The following GATA6 variants were observed in gnomAD, a reference collection of about 807,000 sequenced individuals.
The protein encoded by GATA6 is GATA binding protein 6.
In GATA6, 11 loss-of-function variants were observed where a neutral mutation model predicts 48.1. The observed-to-expected ratio is 0.23, with a 90% CI of 0.14 to 0.38. The LOEUF is 0.38. GATA6 is among the 10% of genes least tolerant of loss of function. The pLI, the probability that GATA6 is intolerant of heterozygous loss-of-function variation, is 1.00. For missense variants in GATA6, 795 were observed against 850.3 expected (o/e 0.93, Z 0.81); for synonymous variants, 419 against 396.1 (o/e 1.06, Z -0.69).
chr18:22,190,747 T>G (rs760679413), intron 6 of GATA6, among the ~76,000 whole-genome samples: 1 of 151,994 alleles, frequency 6.6e-6, no homozygotes, highest in Non-Finnish European at 1.5e-5. Context: ...TCCCAGGGAG[T>G]TGACCAATCA....
rs971615402 is a variant in GATA6, at chr18:22,200,790, A to C, written c.1755A>C (p.Arg585=). 65 of 1,612,796 alleles carry C rather than the reference A, an allele frequency of 4.0e-5. 1 individual carries two copies. In the Admixed American group the frequency reaches 5.3e-4, roughly 13 times the overall value. ...ASPAEVTSSV[R]PDSWCALALA is the part of the protein sequence containing the mutation. ...CGGCCGAAGTCACGTCCTCCGTGCG[A>C]CCGGATTCCTGGTGCGCCCTGGCCC... Residue 585 remains arginine, a synonymous_variant, in exon 7 of 7, where the codon CGA becomes CGC. Transcript: ENST00000269216.
At position 22,185,030 on chromosome 18, in the gene GATA6, G is replaced by A. The variant is rs1325307878; in HGVS notation, c.1620+1987G>A. On this transcript the variant is annotated intron_variant, in intron 6 of 6. Transcript: ENST00000269216. The surrounding 1 kb of genome is among the most constrained non-coding windows in gnomAD (Gnocchi z 4.3). Reference sequence around the variant, plus strand: ...CGATATATACCCAACAATGGGCTTCGGGGACTTGGAACCATTGTGGGTGGA... The same window carrying A: ...CGATATATACCCAACAATGGGCTTCAGGGACTTGGAACCATTGTGGGTGGA... Among the ~76,000 whole-genome samples the A allele has an allele frequency of 2.6e-5, 4 of 152,130 alleles. No individual in the cohort carries two copies. Among genetic ancestry groups the A allele is most frequent in the East Asian group, 3.9e-4 (2 of 5,190 alleles).
rs904519303 is a variant in GATA6 at position 22,171,983 on chromosome 18, G to C, written c.839G>C (p.Gly280Ala). Residue 280 changes from glycine (G) to alanine (A), a missense_variant, in exon 2 of 7, where the codon GGA becomes GCA. Physicochemically the swap from Gly to Ala is moderately conservative, Grantham distance 60. This residue lies in a region of GATA6 where 591 missense variants were observed against 570.0 expected (regional missense o/e 1.04). Transcript: ENST00000269216. The surrounding 1 kb of genome is among the most constrained non-coding windows in gnomAD (Gnocchi z 7.1). ...GCCAACGGCGCCGCGCGGGAGCCGG[G>C]AGGCTACGCGGCGGCGGGCAGTGGG... ...PMANGAAREP[G>A]GYAAAGSGGA... 704 of 1,221,380 alleles carry C rather than the reference G, an allele frequency of 5.8e-4. No homozygotes were observed. Among genetic ancestry groups the C allele is most frequent in the Non-Finnish European group, 7.0e-4 (689 of 982,448 alleles). The allele number at this position is 1,221,380 out of a possible 1,614,324, so 75.7% of individuals were successfully genotyped here. A position where few individuals can be genotyped will look rare whatever the true frequency, so the allele number is the denominator to read the frequency against.
rs997283860 is a variant in GATA6, at chr18:22,170,826, G to T, written c.-37-282G>T. 1.1e-5 allele frequency: 5 copies of T among 470,538 alleles called. No homozygotes were observed. Among genetic ancestry groups the T allele is most frequent in the African/African-American group, 2.0e-5 (1 of 50,366 alleles). 29.1% of individuals were successfully genotyped at this position (470,538 alleles called of 1,614,324 possible). On this transcript the variant is annotated intron_variant, in intron 1 of 6. Transcript: ENST00000269216. This position sits in a 1 kb window ranked among gnomAD's most constrained non-coding sequence, Gnocchi z 6.7. ...ACGGAGAAAGGATGCGGCCGAGGGGGTGGGCGGGGAGGACGCGGGGACCGG... is the reference window on the plus strand; with the variant it reads ...ACGGAGAAAGGATGCGGCCGAGGGGTTGGGCGGGGAGGACGCGGGGACCGG...
rs961988097 is a variant in GATA6 at position 22,202,215 on chromosome 18, A to C, written c.*1392A>C. On this transcript the variant is annotated 3_prime_UTR_variant, in exon 7 of 7. Transcript: ENST00000269216. Reference sequence around the variant, plus strand: ...GGGACAGTTTTTATAAGTGGGAAGGACTCAGTATTATTATATTTGAGATGA... The same window carrying C: ...GGGACAGTTTTTATAAGTGGGAAGGCCTCAGTATTATTATATTTGAGATGA... 6.6e-6 allele frequency: 1 copy of C among 152,102 alleles called. No homozygotes were observed. The highest frequency in any genetic ancestry group is 1.5e-5 in the Non-Finnish European group (1 of 68,018). The allele number at this position is 152,102 out of a possible 1,614,324, so 9.4% of individuals were successfully genotyped here.
chr18:22,184,845 G>C (rs1001506317), intron 6 of GATA6, among the ~76,000 whole-genome samples: 11 of 152,110 alleles, frequency 7.2e-5, no homozygotes, highest in African/African-American at 2.4e-4. Context: ...CAATTATGTA[G>C]CTAGAGGCAA....
chr18:22,180,764 A>T (rs2033184424), intron 3 of GATA6, among the ~76,000 whole-genome samples: 1 of 151,990 alleles, frequency 6.6e-6, no homozygotes, highest in Admixed American at 6.6e-5. Context: ...ACGTACTTTC[A>T]AAGTTTCTGG....
At chr18:22,200,331 T>C (rs1484411211) in intron 6 of GATA6, among the ~76,000 whole-genome samples, 1 of 152,218 alleles carries the variant, frequency 6.6e-6, no homozygotes, top group Admixed American at 6.5e-5. Context: ...CTTGGCACTT[T>C]TTACAAATAG....
intron 6 of GATA6, among the ~76,000 whole-genome samples, chr18:22,191,511 T>TTTACTGGAACA (rs2033328330): frequency 6.6e-6 from 1 of 152,194 alleles, no homozygotes; most frequent in African/African-American, 2.4e-5. Flanking sequence ...AACGAATTCC[T>TTTACTGGAACA]TTACTGGAAC....
intron 3 of GATA6, among the ~76,000 whole-genome samples, chr18:22,178,333 T>G (rs1268059886): frequency 6.6e-6 from 1 of 152,160 alleles, no homozygotes; most frequent in Non-Finnish European, 1.5e-5. Context: ...TATGTGTGCT[T>G]CCTAGCCGGA....
intron 6 of GATA6, among the ~76,000 whole-genome samples, chr18:22,184,746 A>G (rs964054627): frequency 6.6e-6 from 1 of 151,934 alleles, no homozygotes; most frequent in African/African-American, 2.4e-5. Flanking sequence ...TGATCCACCT[A>G]CCTCAGCCTC....
At position 22,171,843 on chromosome 18, in the gene GATA6, T is replaced by G. The variant is rs2033054548; in HGVS notation, c.699T>G (p.Pro233=). 8.3e-7 allele frequency: 1 copy of G among 1,203,058 alleles called. No individual in the cohort carries two copies. The highest frequency in any genetic ancestry group is 1.0e-6 in the Non-Finnish European group (1 of 971,284). 74.5% of individuals were successfully genotyped at this position (1,203,058 alleles called of 1,614,324 possible). Residue 233 remains proline, a synonymous_variant, in exon 2 of 7, where the codon CCT becomes CCG. Coordinates refer to ENST00000269216, the MANE Select transcript of GATA6 (RefSeq NM_005257.6). This position sits in a 1 kb window ranked among gnomAD's most constrained non-coding sequence, Gnocchi z 7.1. The part of the protein sequence containing the change: ...PGWPQASADS[P]PYGSGGGAAG... ...GGCCTCAGGCCTCGGCCGACAGCCC[T>G]CCATACGGCAGCGGAGGCGGCGCGG...
At position 22,193,815 on chromosome 18, in the gene GATA6, A is replaced by G. The variant is rs572677877; in HGVS notation, c.1621-6841A>G. Among the ~76,000 whole-genome samples the G allele has an allele frequency of 3.9e-5, 6 of 152,282 alleles. No homozygotes were observed. The South Asian group carries it at 1.2e-3, about 32-fold the overall frequency. On this transcript the variant is annotated intron_variant, in intron 6 of 6. Coordinates refer to ENST00000269216, the MANE Select transcript of GATA6 (RefSeq NM_005257.6). Reference sequence around the variant, plus strand: ...ACTCCTCTCTGGTTTTCTTCCTCAAAGGAAATTTATGCATGTAATCCACAA... The same window carrying G: ...ACTCCTCTCTGGTTTTCTTCCTCAAGGGAAATTTATGCATGTAATCCACAA...
At chr18:22,184,620 G>A (rs554858671) in intron 6 of GATA6, among the ~76,000 whole-genome samples, 40 of 151,842 alleles carry the variant, frequency 2.6e-4, no homozygotes, top group Middle Eastern at 6.8e-3. Flanking sequence ...TCAGCCTCCC[G>A]AGAAGCTAGA....
At chr18:22,196,754 T>C (rs531061682) in intron 6 of GATA6, among the ~76,000 whole-genome samples, 1 of 151,046 alleles carries the variant, frequency 6.6e-6, no homozygotes, top group Non-Finnish European at 1.5e-5. Flanking sequence ...AAATAAAAAA[T>C]AAAATAAAAA....
chr18:22,189,477 A>G lies in GATA6; in HGVS notation c.1620+6434A>G, dbSNP rs538307041. On this transcript the variant is annotated intron_variant, in intron 6 of 6. Coordinates refer to ENST00000269216, the MANE Select transcript of GATA6 (RefSeq NM_005257.6). The stretch of plus-strand genomic sequence containing the variant: ...CACTCCACTGTCTTTTTCTTCAAGT[A>G]ATGGAATTTTTTTTTGATTTACTGT... Among the ~76,000 whole-genome samples, 44 of 152,216 alleles carry G rather than the reference A, an allele frequency of 2.9e-4. No homozygotes were observed. In the Middle Eastern group the frequency reaches 0.01, roughly 35 times the overall value.
chr18:22,196,657 C>G (rs988688626), intron 6 of GATA6, among the ~76,000 whole-genome samples: 1 of 152,106 alleles, frequency 6.6e-6, no homozygotes, highest in Non-Finnish European at 1.5e-5. Context: ...GGGAGGATCT[C>G]TTCAGCCCAG....
intron 6 of GATA6, among the ~76,000 whole-genome samples, chr18:22,197,671 T>C (rs1291414616): frequency 6.6e-6 from 1 of 152,228 alleles, no homozygotes; most frequent in African/African-American, 2.4e-5. Flanking sequence ...TTAGCTCATT[T>C]AATTGTCGCA....
Position 22,181,485 on chromosome 18 carries a change from C to A in GATA6, c.1335C>A (p.Ala445=). 1 of 1,614,180 alleles carries A rather than the reference C, an allele frequency of 6.2e-7. No homozygotes were observed. The highest frequency in any genetic ancestry group is 8.5e-7 in the Non-Finnish European group (1 of 1,180,026). Reference sequence around the variant, plus strand: ...CACGGCGGCTTGGATTGTCCTGTGCCAACTGTCACACCACAACTACCACCT... The same window carrying A: ...CACGGCGGCTTGGATTGTCCTGTGCAAACTGTCACACCACAACTACCACCT... ...PSSRRLGLSC[A]NCHTTTTTLW... is the part of the protein sequence containing the mutation. Residue 445 remains alanine, a synonymous_variant, in exon 4 of 7, where the codon GCC becomes GCA. Coordinates refer to ENST00000269216, the MANE Select transcript of GATA6 (RefSeq NM_005257.6).
Sources: allele counts gnomAD v4.1 joint callset (sites outside exome capture counted in the v4.1 genomes callset), GRCh38; gene constraint gnomAD v4.1.1; regional missense constraint gnomAD v4.1.1; non-coding constraint Gnocchi (gnomAD v3.1); transcripts MANE v1.5; gene names NCBI Gene and HGNC (gene_info 2026-07-23, HGNC 2026-07-21).